ELFN2: variants seen among roughly 807,000 people sequenced by gnomAD.
ELFN2 encodes extracellular leucine rich repeat and fibronectin type III domain containing 2, also known as protein phosphatase 1 regulatory subunit 29.
In ELFN2, 17 loss-of-function variants were observed where a neutral mutation model predicts 45.5. That is an observed-to-expected ratio of 0.37 (90% CI 0.26 to 0.56). The LOEUF (loss-of-function observed/expected upper bound fraction) is 0.56. Among genes scored for constraint, ELFN2 ranks in the 20% least tolerant of loss-of-function variants. The pLI is 0.77. For missense variants in ELFN2, 922 were observed against 1,183.2 expected (o/e 0.78, Z 3.24); for synonymous variants, 550 against 551.5 (o/e 1.00, Z 0.04).
intron 1 of ELFN2, among the ~76,000 whole-genome samples, chr22:37,343,824 C>T (rs1423500187): frequency 6.6e-6 from 1 of 151,968 alleles, no homozygotes; most frequent in Admixed American, 6.6e-5. Context: ...TCCCCACACC[C>T]TCTCCAGCTC....
intron 1 of ELFN2, among the ~76,000 whole-genome samples, chr22:37,356,503 TTGA>T (rs1930953596): frequency 6.6e-6 from 1 of 152,214 alleles, no homozygotes; most frequent in Admixed American, 6.5e-5. Context: ...TGTATGTAGT[TTGA>T]AAGTTTTGAA....
intron 2 of ELFN2, among the ~76,000 whole-genome samples, chr22:37,397,007 T>G (rs1932229628): frequency 6.6e-6 from 1 of 152,094 alleles, no homozygotes; most frequent in African/African-American, 2.4e-5. Flanking sequence ...GCTCAAAATC[T>G]TTCTAGGGCT....
At chr22:37,379,937 G>A (rs1004121934) in intron 2 of ELFN2, among the ~76,000 whole-genome samples, 1 of 152,174 alleles carries the variant, frequency 6.6e-6, no homozygotes, top group Non-Finnish European at 1.5e-5. Context: ...GCCCCCCCTC[G>A]GAGGGCAAGC....
chr22:37,344,818 C>T (rs565718057), intron 1 of ELFN2, among the ~76,000 whole-genome samples: 51 of 152,342 alleles, frequency 3.3e-4, no homozygotes, highest in African/African-American at 8.2e-4. Flanking sequence ...TCCCCGTCCA[C>T]GCCTGCTCTC....
At chr22:37,354,302 A>T (rs150168536) in intron 1 of ELFN2, 3 of 152,214 alleles carry the variant, frequency 2.0e-5, no homozygotes, top group Non-Finnish European at 4.4e-5. Context: ...AGGCCATGCC[A>T]TGGGTGTGTT....
intron 2 of ELFN2, among the ~76,000 whole-genome samples, chr22:37,400,212 C>T (rs141314218): frequency 6.6e-6 from 1 of 152,116 alleles, no homozygotes; most frequent in Non-Finnish European, 1.5e-5. Flanking sequence ...TGCTGACCCA[C>T]CCCCTCGTGT....
At chr22:37,366,364 C>T (rs1489344284), downstream of ELFN2, among the ~76,000 whole-genome samples, 1 of 152,216 alleles carries the variant, frequency 6.6e-6, no homozygotes, top group African/African-American at 2.4e-5. Context: ...TCCCGGAGGA[C>T]ACTTCCACAC....
intron 2 of ELFN2, among the ~76,000 whole-genome samples, chr22:37,380,357 G>A (rs982122380): frequency 6.6e-6 from 1 of 152,078 alleles, no homozygotes. Flanking sequence ...GTGTGGCAAG[G>A]TGAGTACCAC....
At chr22:37,423,234 T>G (rs1258752313) in intron 1 of ELFN2, among the ~76,000 whole-genome samples, 1 of 151,914 alleles carries the variant, frequency 6.6e-6, no homozygotes, top group East Asian at 1.9e-4. Context: ...GGGAATGGGA[T>G]GGGGGGTTGA....
chr22:37,362,173 T>A (rs1931104359), intron 1 of ELFN2, among the ~76,000 whole-genome samples: 1 of 152,186 alleles, frequency 6.6e-6, no homozygotes, highest in Admixed American at 6.5e-5. Context: ...TGCAGACTCA[T>A]CAGCCCGTGG....
intron 2 of ELFN2, among the ~76,000 whole-genome samples, chr22:37,411,954 GC>G (rs1026874621): frequency 7.2e-5 from 11 of 151,860 alleles, no homozygotes; most frequent in Non-Finnish European, 1.6e-4. Context: ...ACCACTCCCA[GC>G]CCTCAGGGAC....
intron 2 of ELFN2, among the ~76,000 whole-genome samples, chr22:37,387,571 G>A (rs942353794): frequency 1.3e-5 from 2 of 152,106 alleles, no homozygotes; most frequent in Non-Finnish European, 1.5e-5. Flanking sequence ...CACCTCGTCC[G>A]CGCTGGTGCC....
intron 1 of ELFN2, among the ~76,000 whole-genome samples, chr22:37,359,750 T>C (rs907554917): frequency 6.6e-6 from 1 of 152,164 alleles, no homozygotes; most frequent in East Asian, 1.9e-4. Context: ...GAGCCTACCC[T>C]AAGAAGTTTC....
downstream of ELFN2, among the ~76,000 whole-genome samples, chr22:37,366,847 G>A (rs1206872546): frequency 2.0e-5 from 3 of 152,244 alleles, no homozygotes; most frequent in Non-Finnish European, 2.9e-5. Flanking sequence ...GTGAGGGCAC[G>A]TGGAAGGGAC....
At chr22:37,380,080 A>T (rs1432554291) in intron 2 of ELFN2, among the ~76,000 whole-genome samples, 2 of 152,160 alleles carry the variant, frequency 1.3e-5, no homozygotes, top group East Asian at 3.8e-4. Flanking sequence ...TCCGGGTCAC[A>T]TCCTCTCAGC....
intron 1 of ELFN2, among the ~76,000 whole-genome samples, chr22:37,351,942 C>T (rs4524208): frequency 0.18 from 26,666 of 150,768 alleles, 3,586 homozygotes; most frequent in East Asian, 0.3. Context: ...CTCATCTTTG[C>T]GCCTGCCTGG....
intron 1 of ELFN2, among the ~76,000 whole-genome samples, chr22:37,421,578 GGCCC>G (rs929960279): frequency 2.2e-4 from 33 of 152,114 alleles, no homozygotes; most frequent in Non-Finnish European, 4.1e-4. Flanking sequence ...TCTCCTCCAG[GGCCC>G]TGAGCTCTGC....
chr22:37,344,059 A>C (rs1233233270), intron 1 of ELFN2, among the ~76,000 whole-genome samples: 4 of 28,574 alleles, frequency 1.4e-4, no homozygotes, highest in African/African-American at 4.5e-4. Context: ...CCACCTGCCC[A>C]TGCCCCCACC....
intron 1 of ELFN2, among the ~76,000 whole-genome samples, chr22:37,344,505 C>A (rs1930648728): frequency 6.6e-6 from 1 of 152,090 alleles, no homozygotes; most frequent in African/African-American, 2.4e-5. Context: ...AGAGGCCCCC[C>A]TGCTGCCCCC....
Sources: gnomAD v4.1 joint callset for allele counts (sites outside exome capture counted in the v4.1 genomes callset) on GRCh38, gnomAD v4.1.1 for gene constraint, MANE v1.5 for transcripts, NCBI Gene and HGNC (gene_info 2026-07-23, HGNC 2026-07-21) for gene names.